Variants in WIPF2 observed in about 807,000 individuals in gnomAD.
WIPF2 encodes WAS/WASL interacting protein family member 2.
A neutral mutation model predicts 38.8 loss-of-function variants in WIPF2; 23 were observed. The observed-to-expected ratio is 0.59, with a 90% confidence interval of 0.43 to 0.84. The LOEUF is 0.84. Among genes scored for constraint, WIPF2 ranks in the 40% least tolerant of loss-of-function variants. The pLI is 0.00. For synonymous variants in WIPF2, 210 were observed against 223.2 expected, an observed-to-expected ratio of 0.94 and a Z score of 0.53; for missense variants, 574 against 580.5, an observed-to-expected ratio of 0.99 and a Z score of 0.11.
intron 1 of WIPF2, among the ~76,000 whole-genome samples, chr17:40,229,650 A>G (rs956752869): frequency 6.6e-6 from 1 of 151,256 alleles, no homozygotes; most frequent in Non-Finnish European, 1.5e-5. Flanking sequence ...CAAAACTCCT[A>G]ACCTCAAGTG....
intron 1 of WIPF2, among the ~76,000 whole-genome samples, chr17:40,250,221 T>G (rs2031510721): frequency 9.9e-6 from 1 of 101,286 alleles, no homozygotes; most frequent in South Asian, 3.8e-4. Flanking sequence ...TTTATCATGT[T>G]TTTTTTTTTT....
At chr17:40,235,802 G>T (rs1300487626) in intron 1 of WIPF2, among the ~76,000 whole-genome samples, 1 of 151,572 alleles carries the variant, frequency 6.6e-6, no homozygotes, top group Non-Finnish European at 1.5e-5. Context: ...TCGAATTCCC[G>T]ACCTCAGGTG....
intron 4 of WIPF2, among the ~76,000 whole-genome samples, chr17:40,262,984 T>C (rs1287571960): frequency 6.6e-6 from 1 of 152,190 alleles, no homozygotes; most frequent in Non-Finnish European, 1.5e-5. Context: ...CTCATTTATA[T>C]GTGGGATCTG....
chr17:40,232,116 G>A (rs550672580), intron 1 of WIPF2, among the ~76,000 whole-genome samples: 21 of 146,188 alleles, frequency 1.4e-4, no homozygotes, highest in Non-Finnish European at 2.8e-4. Flanking sequence ...GGGCTCAAGC[G>A]ATCTTCCCAC....
intron 1 of WIPF2, among the ~76,000 whole-genome samples, chr17:40,233,599 G>A (rs983818980): frequency 2.6e-5 from 4 of 151,652 alleles, no homozygotes; most frequent in African/African-American, 4.8e-5. Context: ...GGTGTGCACC[G>A]CTGCACCTGG....
chr17:40,224,231 C>CTTTTTTTT (rs57637591), intron 1 of WIPF2, among the ~76,000 whole-genome samples: 1 of 110,118 alleles, frequency 9.1e-6, no homozygotes, highest in Non-Finnish European at 1.9e-5. Flanking sequence ...CTTTTCTTTT[C>CTTTTTTTT]TTTTTTTTTT....
At chr17:40,237,200 C>A (rs1463193445) in intron 1 of WIPF2, among the ~76,000 whole-genome samples, 3 of 149,166 alleles carry the variant, frequency 2.0e-5, no homozygotes, top group Non-Finnish European at 3.0e-5. Flanking sequence ...GGTGAAACTC[C>A]TAGGTTGGTA....
Position 40,264,522 on chromosome 17 carries a change from C to A in WIPF2, c.346C>A (p.Pro116Thr), listed in dbSNP as rs575799585. Residue 116 changes from proline (P) to threonine (T), a missense_variant, in exon 5 of 8, where the codon CCC (proline) becomes ACC (threonine). Coordinates refer to ENST00000323571, the MANE Select transcript of WIPF2 (RefSeq NM_133264.5). ...AGCTGGTAAGCCAGCCCTGCAAATC[C>A]CCAGTTCTCGAGCTGCTGCCCCAAG... ...NLAGKPALQI[P>T]SSRAAAPRPP... The A allele has an allele frequency of 2.5e-5, 41 of 1,614,050 alleles. No homozygotes were observed. The African/African-American group carries it at 4.8e-4, about 19-fold the overall frequency.
Position 40,265,129 on chromosome 17 carries a change from C to G in WIPF2, c.953C>G (p.Pro318Arg). The change falls in exon 5 of 8, where the codon CCT becomes CGT. Residue 318 changes from proline (P) to arginine (R), a missense_variant. Transcript: ENST00000323571. ...SNRPPPPARD[P>R]PSRGAAPPPP... is the part of the protein sequence containing the mutation. Reference sequence around the variant, plus strand: ...AGGCCACCTCCCCCAGCCCGAGACCCTCCCAGTCGGGGAGCAGGTAAGTGC... The same window carrying G: ...AGGCCACCTCCCCCAGCCCGAGACCGTCCCAGTCGGGGAGCAGGTAAGTGC... The G allele has an allele frequency of 6.2e-7, 1 of 1,608,138 alleles. No individual in the cohort carries two copies. Among genetic ancestry groups the G allele is most frequent in the African/African-American group, 1.3e-5 (1 of 74,858 alleles).
chr17:40,271,852 T>C (rs1215848826), intron 5 of WIPF2, among the ~76,000 whole-genome samples: 1 of 152,176 alleles, frequency 6.6e-6, no homozygotes, highest in Non-Finnish European at 1.5e-5. Context: ...ATACAGAGCA[T>C]AGGAGTAAGA....
rs760140367 is a variant in WIPF2 at position 40,264,764 on chromosome 17, C to T, written c.588C>T (p.His196=). 2 of 1,606,154 alleles carry T rather than the reference C, an allele frequency of 1.2e-6. No individual in the cohort carries two copies. Among genetic ancestry groups the T allele is most frequent in the South Asian group, 2.2e-5 (2 of 89,790 alleles). ...ANAPPTPLPM[H]SSKAPAYNRE... ...CACCCCCCACACCTCTGCCTATGCA[C>T]AGCAGCAAAGCCCCCGCCTACAACA... Residue 196 remains histidine (H), a synonymous_variant, in exon 5 of 8, where the codon CAC becomes CAT. Coordinates refer to ENST00000323571, the MANE Select transcript of WIPF2 (RefSeq NM_133264.5).
chr17:40,232,899 A>C (rs796673255), intron 1 of WIPF2, among the ~76,000 whole-genome samples: 1 of 152,146 alleles, frequency 6.6e-6, no homozygotes, highest in African/African-American at 2.4e-5. Context: ...CGGCCTCCCA[A>C]AGTGCTGGTA....
intron 1 of WIPF2, among the ~76,000 whole-genome samples, chr17:40,243,215 T>A (rs1164448665): frequency 1.3e-5 from 2 of 152,106 alleles, no homozygotes; most frequent in Admixed American, 6.6e-5. Flanking sequence ...TTTAAAAAAA[T>A]AATCTGGGGC....
rs1000576917 is a variant in WIPF2 at position 40,247,126 on chromosome 17, C to G, written c.-69-9265C>G. Among the ~76,000 whole-genome samples, 3 of 142,950 alleles carry G rather than the reference C, an allele frequency of 2.1e-5. No homozygotes were observed. In the East Asian group the frequency reaches 6.5e-4, roughly 31 times the overall value. 93.8% of individuals were successfully genotyped at this position (142,950 alleles called of 152,430 possible). On this transcript the variant is annotated intron_variant, in intron 1 of 7. Coordinates refer to ENST00000323571, the MANE Select transcript of WIPF2 (RefSeq NM_133264.5). ...GATACTCCGTCTCAAAACAAACAAA[C>G]AAAAACACAAAAACAACTCGCTTGT...
At chr17:40,240,084 T>C (rs1185476046) in intron 1 of WIPF2, among the ~76,000 whole-genome samples, 3 of 151,130 alleles carry the variant, frequency 2.0e-5, no homozygotes, top group Non-Finnish European at 4.4e-5. Flanking sequence ...TTTTTTAAGA[T>C]GGAGTCTTGC....
At chr17:40,225,024 G>T (rs538807461) in intron 1 of WIPF2, among the ~76,000 whole-genome samples, 1 of 152,054 alleles carries the variant, frequency 6.6e-6, no homozygotes, top group Admixed American at 6.6e-5. Flanking sequence ...GATTAGAGTG[G>T]ATGGGGCGTT....
At chr17:40,257,172 T>A (rs1231439345) in intron 2 of WIPF2, among the ~76,000 whole-genome samples, 1 of 151,950 alleles carries the variant, frequency 6.6e-6, no homozygotes, top group Non-Finnish European at 1.5e-5. Flanking sequence ...AGAGATGGGG[T>A]TTCACCATGT....
chr17:40,252,492 C>T (rs774133642), intron 1 of WIPF2, among the ~76,000 whole-genome samples: 1 of 151,966 alleles, frequency 6.6e-6, no homozygotes, highest in Non-Finnish European at 1.5e-5. Flanking sequence ...GGTGAAACCC[C>T]GTCTCTACTA....
Position 40,275,748 on chromosome 17 carries a change from G to A in WIPF2, c.1181-1335G>A, listed in dbSNP as rs549903660. Among the ~76,000 whole-genome samples the A allele has an allele frequency of 3.3e-5, 5 of 151,966 alleles. No homozygotes were observed. In the South Asian group the frequency reaches 1.0e-3, roughly 32 times the overall value. On this transcript the variant is annotated intron_variant, in intron 6 of 7. Coordinates refer to ENST00000323571, the MANE Select transcript of WIPF2 (RefSeq NM_133264.5). ...GCCTGGCTAATTTTGTATTTTTTTT[G>A]TAGAGATGAGGTTTTGCCATGTTGC...
Sources: gnomAD v4.1 joint callset for allele counts (sites outside exome capture counted in the v4.1 genomes callset) on GRCh38, gnomAD v4.1.1 for gene constraint, MANE v1.5 for transcripts, NCBI Gene and HGNC (gene_info 2026-07-23, HGNC 2026-07-21) for gene names.